TTN: variants seen among roughly 807,000 people sequenced by gnomAD.
The protein encoded by TTN is connectin.
In TTN, 1,525 loss-of-function variants were observed where a neutral mutation model predicts 3,223.0. The observed-to-expected ratio is 0.47, with a 90% CI of 0.45 to 0.49. The LOEUF (loss-of-function observed/expected upper bound fraction) is 0.49. TTN is among the 20% of genes least tolerant of loss of function. The pLI is 0.00. For synonymous variants in TTN, 14,094 were observed against 15,161.0 expected (o/e 0.93, Z 5.17); for missense variants, 40,786 against 43,424.0 (o/e 0.94, Z 5.40).
rs778516869 is a variant in TTN, at chr2:178,552,672, C to T, written c.90228G>A (p.Thr30076=). 9.9e-6 allele frequency: 16 copies of T among 1,613,936 alleles called. No homozygotes were observed. Among genetic ancestry groups the T allele is most frequent in the Middle Eastern group, 1.7e-4 (1 of 6,060 alleles). Residue 30076 remains threonine, a synonymous_variant, in exon 335 of 363, where the codon ACG becomes ACA. Coordinates refer to ENST00000589042, the MANE Select transcript of TTN (RefSeq NM_001267550.2). ...TCTTACTTATGCCAGCGTGGGACCA[C>T]GTCTGTTCACCTTTACCTTTCCTTT... is the stretch of plus-strand genomic sequence containing the variant. ...VVERKGKGEQ[T]WSHAGISKTC... is the part of the protein sequence containing the mutation.
Position 178,545,702 on chromosome 2 carries a change from GA to G in TTN, c.95417-10del, listed in dbSNP as rs2154145289. ...GGGTGGTGATGGAATAGCTGTTTATGAAAATAAGGATGATGAGAATTGCACA... is the reference window on the plus strand; with the variant it reads ...GGGTGGTGATGGAATAGCTGTTTATGAAATAAGGATGATGAGAATTGCACA... On this transcript the variant is annotated splice_polypyrimidine_tract_variant and intron_variant, in intron 343 of 362. Coordinates refer to ENST00000589042, the MANE Select transcript of TTN (RefSeq NM_001267550.2). 6.2e-7 allele frequency: 1 copy of G among 1,608,490 alleles called. No individual in the cohort carries two copies. Among genetic ancestry groups the G allele is most frequent in the South Asian group, 1.1e-5 (1 of 90,692 alleles).
At chr2:178,694,434 TTTAAA>T (rs1262261678) in intron 117 of TTN, 160 bp downstream of exon 117, 2 of 517,076 alleles carry the variant, frequency 3.9e-6, no homozygotes, top group East Asian at 6.1e-5. Flanking sequence ...AATGTTACTA[TTTAAA>T]TTAAACATAT....
In TTN at chr2:178,784,244, A is replaced by C; in HGVS notation, c.2601T>G (p.Ser867Arg). Reference protein sequence around the residue: ...KSVKAPTVKPSETRVRAEPTP... With the variant: ...KSVKAPTVKPRETRVRAEPTP... ...TGGGCTCTGCCCTTACTCTAGTCTC[A>C]CTGGGCTTCACAGTAGGAGCCTTCA... Residue 867 changes from serine (S) to arginine (R), a missense_variant, in exon 16 of 363, where the codon AGT becomes AGG. Transcript: ENST00000589042. The C allele has an allele frequency of 6.2e-7, 1 of 1,614,134 alleles. No homozygotes were observed. Among genetic ancestry groups the C allele is most frequent in the East Asian group, 2.2e-5 (1 of 44,868 alleles).
chr2:178,708,088 A>T (rs189158767), intron 99 of TTN, among the ~76,000 whole-genome samples: 3 of 152,224 alleles, frequency 2.0e-5, no homozygotes, highest in Admixed American at 2.0e-4. Flanking sequence ...CACTGCAGAC[A>T]TTGGCAGTTA....
In TTN at chr2:178,548,304, T is replaced by C. The variant is rs727504787; in HGVS notation, c.93322A>G (p.Ile31108Val). Residue 31108 changes from isoleucine (I) to valine (V), a missense_variant, in exon 339 of 363, where the codon ATT (isoleucine) becomes GTT (valine). Transcript: ENST00000589042. The surrounding 1 kb of genome is among the most constrained non-coding windows in gnomAD (Gnocchi z 4.3). ...GGAGCAGGCTGTTCTGTGGCTACAA[T>C]TGGTTCTGGCATTTCATAGGGCTCA... ...VGEPYEMPEP[I>V]VATEQPAPPR... 17 of 1,613,742 alleles carry C rather than the reference T, an allele frequency of 1.1e-5. No individual in the cohort carries two copies. The highest frequency in any genetic ancestry group is 3.3e-5 in the Admixed American group (2 of 59,994).
rs781340068 is a variant in TTN at position 178,553,806 on chromosome 2, A to T, written c.89199T>A (p.Asp29733Glu). 6.3e-7 allele frequency: 1 copy of T among 1,585,566 alleles called. No homozygotes were observed. The highest frequency in any genetic ancestry group is 8.6e-7 in the Non-Finnish European group (1 of 1,165,436). Residue 29733 changes from aspartate to glutamate, a missense_variant and splice_region_variant, in exon 334 of 363, where the codon GAT (aspartate) becomes GAA (glutamate). Transcript: ENST00000589042. ...SEFYKAADPI[D>E]PPGPPAKIRI... ...TTATCTTAGCAGGTGGACCTGGAGGATCTGGAATGGCCATTCACAATAAAA... is the reference window on the plus strand; with the variant it reads ...TTATCTTAGCAGGTGGACCTGGAGGTTCTGGAATGGCCATTCACAATAAAA...
rs1220122597 is a variant in TTN at position 178,711,156 on chromosome 2, A to T, written c.28080T>A (p.Ile9360=). 1.9e-6 allele frequency: 3 copies of T among 1,613,770 alleles called. No individual in the cohort carries two copies. The highest frequency in any genetic ancestry group is 2.5e-6 in the Non-Finnish European group (3 of 1,179,818). Residue 9360 remains isoleucine, a synonymous_variant, in exon 97 of 363, where the codon ATT becomes ATA. Coordinates refer to ENST00000589042, the MANE Select transcript of TTN (RefSeq NM_001267550.2). The part of the protein sequence containing the change: ...SFLDNTATLN[I]FKTDRSLAGQ... ...CTGCAAGGCTCCGGTCAGTTTTAAA[A>T]ATATTGAGTGTGGCTGTATTGTCTA...
At chr2:178,650,517 A>G (rs376856122) in intron 209 of TTN, among the ~76,000 whole-genome samples, 1 of 152,072 alleles carries the variant, frequency 6.6e-6, no homozygotes, top group African/African-American at 2.4e-5. Context: ...CTTACTTTCT[A>G]TGTACATTGG....
chr2:178,679,637 A>G lies in TTN; in HGVS notation c.33626T>C (p.Val11209Ala). ...AGCTTCCTTCTTCTTGGGAACAGGA[A>G]CAGGTTTCTTCTCTTCTGGAACAGG... ...RKPVPEEKKP[V>A]PVPKKKEAPP... Residue 11209 changes from valine (V) to alanine (A), a missense_variant, in exon 141 of 363, where the codon GTT (valine) becomes GCT (alanine). Val to Ala is a moderately conservative substitution (Grantham distance 64). Coordinates refer to ENST00000589042, the MANE Select transcript of TTN (RefSeq NM_001267550.2). The G allele has an allele frequency of 6.2e-7, 1 of 1,611,884 alleles. No individual in the cohort carries two copies. Among genetic ancestry groups the G allele is most frequent in the Non-Finnish European group, 8.5e-7 (1 of 1,179,114 alleles).
At chr2:178,684,234 C>CAAA (rs2154274398) in intron 132 of TTN, 96 bp downstream of exon 132, 1 of 1,408,580 alleles carries the variant, frequency 7.1e-7, no homozygotes, top group East Asian at 2.3e-5. Flanking sequence ...ACATCAACAA[C>CAAA]AACAACAACA....
Position 178,588,678 on chromosome 2 carries a change from C to T in TTN, c.63047G>A (p.Ser21016Asn). Reference protein sequence around the residue: ...HSTRWVPVNKSAIPERRMKVQ... With the variant: ...HSTRWVPVNKNAIPERRMKVQ... Reference sequence around the variant, plus strand: ...TTTCATACGTCTCTCAGGGATTGCACTCTTGTTGACAGGGACCCATCGTGT... The same window carrying T: ...TTTCATACGTCTCTCAGGGATTGCATTCTTGTTGACAGGGACCCATCGTGT... The change falls in exon 304 of 363, where the codon AGT becomes AAT. Residue 21016 changes from serine (S) to asparagine (N), a missense_variant. By Grantham distance (46) the Ser-to-Asn change is conservative. Coordinates refer to ENST00000589042, the MANE Select transcript of TTN (RefSeq NM_001267550.2). The T allele has an allele frequency of 6.2e-7, 1 of 1,613,026 alleles. No homozygotes were observed. Among genetic ancestry groups the T allele is most frequent in the Non-Finnish European group, 8.5e-7 (1 of 1,179,388 alleles).
intron 282 of TTN, 37 bp from the exon 283 acceptor site, chr2:178,602,627 T>A: frequency 6.9e-7 from 1 of 1,445,544 alleles, no homozygotes. Context: ...TCATCAGATT[T>A]TGAAGCTGAT....
At chr2:178,706,808 A>T in intron 101 of TTN, 54 bp downstream of exon 101, 11 of 1,597,516 alleles carry the variant, frequency 6.9e-6, no homozygotes, top group Non-Finnish European at 9.4e-6. Flanking sequence ...AAATTAAATC[A>T]TAAGTAAAAG....
intron 217 of TTN, chr2:178,644,827 C>A: frequency 4.6e-6 from 2 of 437,318 alleles, no homozygotes; most frequent in Non-Finnish European, 8.0e-6. Context: ...TAATTAAAGA[C>A]CAGCAGAAAA....
chr2:178,699,802 T>C (rs1026333535), intron 111 of TTN, among the ~76,000 whole-genome samples: 6 of 137,214 alleles, frequency 4.4e-5, no homozygotes, highest in Admixed American at 7.4e-5. Flanking sequence ...TCTCGGCTCA[T>C]TGCAAGCTCC....
chr2:178,649,083 T>G (rs1288162890), intron 213 of TTN, among the ~76,000 whole-genome samples, 165 bp downstream of exon 213: 1 of 152,140 alleles, frequency 6.6e-6, no homozygotes, highest in Non-Finnish European at 1.5e-5. Context: ...ACTCATTTTT[T>G]CACTCCTGCT....
chr2:178,678,307 C>A (rs986946134), intron 144 of TTN, 99 bp from the exon 145 acceptor site: 2 of 1,506,660 alleles, frequency 1.3e-6, no homozygotes, highest in Non-Finnish European at 1.8e-6. Flanking sequence ...ATATTTCTAA[C>A]CAGATAGACA....
rs768091794 is a variant in TTN at position 178,723,189 on chromosome 2, G to A, written c.21818C>T (p.Ser7273Phe). The A allele has an allele frequency of 2.5e-6, 4 of 1,613,460 alleles. No homozygotes were observed. The East Asian group carries it at 8.9e-5, about 36-fold the overall frequency. ...WKKDGFNITT[S>F]EKCNIVTTEK... ...TGTTGTGACTATGTTACATTTTTCAGAGGTAGTTATGTTAAAACCATCCTT... is the reference window on the plus strand; with the variant it reads ...TGTTGTGACTATGTTACATTTTTCAAAGGTAGTTATGTTAAAACCATCCTT... Residue 7273 changes from serine to phenylalanine, a missense_variant, in exon 75 of 363, where the codon TCT becomes TTT. Ser to Phe is a radical substitution (Grantham distance 155). Coordinates refer to ENST00000589042, the MANE Select transcript of TTN (RefSeq NM_001267550.2).
chr2:178,783,368 T>C (rs538792455), intron 17 of TTN, among the ~76,000 whole-genome samples: 2 of 152,352 alleles, frequency 1.3e-5, no homozygotes, highest in African/African-American at 2.4e-5. Flanking sequence ...TATCACCTTA[T>C]ATATTTTATT....
Sources: gnomAD v4.1 joint callset for allele counts (sites outside exome capture counted in the v4.1 genomes callset) on GRCh38, gnomAD v4.1.1 for gene constraint, Gnocchi (gnomAD v3.1) non-coding constraint, MANE v1.5 for transcripts, NCBI Gene and HGNC (gene_info 2026-07-23, HGNC 2026-07-21) for gene names.